CNGB1: variants seen among roughly 807,000 people sequenced by gnomAD.
CNGB1 encodes the protein cyclic nucleotide gated channel subunit beta 1, also known as cyclic nucleotide-gated channel beta-1.
In CNGB1, 126 loss-of-function variants were observed where a neutral mutation model predicts 151.7. The observed-to-expected ratio is 0.83, with a 90% CI of 0.72 to 0.96. The LOEUF (loss-of-function observed/expected upper bound fraction) is 0.96, where lower values mean the gene tolerates loss of function less well. Ranked by LOEUF, CNGB1 falls within the 40% of genes least tolerant of loss-of-function variation. The probability of loss-of-function intolerance (pLI) is 0.00; values close to 1 mark genes in which losing one functional copy is unlikely to be tolerated. For missense variants in CNGB1, 1,698 were observed against 1,627.0 expected, an observed-to-expected ratio of 1.04 and a Z score of -0.75; for synonymous variants, 623 against 635.1, an observed-to-expected ratio of 0.98 and a Z score of 0.29.
intron 18 of CNGB1, among the ~76,000 whole-genome samples, chr16:57,921,355 G>A (rs770074474): frequency 2.6e-5 from 4 of 151,472 alleles, no homozygotes; most frequent in Non-Finnish European, 5.9e-5. Context: ...CTGAGTAGCT[G>A]GGATTACAGG....
intron 12 of CNGB1, chr16:57,955,366 C>A: frequency 6.4e-7 from 1 of 1,551,594 alleles, no homozygotes; most frequent in South Asian, 1.2e-5. Context: ...GCTCCCATCA[C>A]CCCTGAAACA....
At chr16:57,898,010 G>A in intron 29 of CNGB1, 96 bp from the exon 30 acceptor site, 3 of 1,289,970 alleles carry the variant, frequency 2.3e-6, no homozygotes, top group Admixed American at 3.4e-5. Context: ...CCGGCAAGGA[G>A]GAACCTAGGC....
At position 57,948,562 on chromosome 16, in the gene CNGB1, C is replaced by T. The variant is rs989083248; in HGVS notation, c.1121+791G>A. ...CCTTTTTGGTTCCTCATCTCCCCAA[C>T]CTCTGGTCTTGTCCATGAGCCTCTC... On this transcript the variant is annotated intron_variant, in intron 14 of 32. Transcript: ENST00000251102. 3.3e-5 allele frequency among the ~76,000 whole-genome samples: 5 copies of T among 152,184 alleles called. No homozygotes were observed. The South Asian group carries it at 8.3e-4, about 25-fold the overall frequency.
chr16:57,941,437 C>T (rs536757677), intron 14 of CNGB1, among the ~76,000 whole-genome samples: 13 of 152,308 alleles, frequency 8.5e-5, no homozygotes, highest in Admixed American at 3.3e-4. Flanking sequence ...GTTGCCTAGT[C>T]GGTCTGGAGC....
intron 17 of CNGB1, among the ~76,000 whole-genome samples, chr16:57,927,002 T>C (rs1260198422): frequency 1.3e-5 from 2 of 151,618 alleles, no homozygotes; most frequent in South Asian, 2.1e-4. Context: ...CAAAACAAAA[T>C]AAAACAAAAC....
intron 16 of CNGB1, among the ~76,000 whole-genome samples, chr16:57,938,055 G>A (rs1440153216): frequency 6.6e-6 from 1 of 152,228 alleles, no homozygotes; most frequent in Non-Finnish European, 1.5e-5. Flanking sequence ...CGCGGCCCAA[G>A]TTACTCATTT....
chr16:57,900,580 G>A (rs576086142), intron 29 of CNGB1, among the ~76,000 whole-genome samples: 1 of 152,162 alleles, frequency 6.6e-6, no homozygotes, highest in South Asian at 2.1e-4. Context: ...TCAGGCCCCA[G>A]GATTCAACTC....
At chr16:57,909,028 G>C (rs1211597241) in intron 25 of CNGB1, among the ~76,000 whole-genome samples, 4 of 152,156 alleles carry the variant, frequency 2.6e-5, no homozygotes, top group African/African-American at 9.7e-5. Flanking sequence ...AGCACTTTGG[G>C]AGGCCAATCA....
chr16:57,951,550 G>A (rs978392631), intron 12 of CNGB1, among the ~76,000 whole-genome samples: 4 of 152,098 alleles, frequency 2.6e-5, no homozygotes, highest in Non-Finnish European at 4.4e-5. Flanking sequence ...AATGGAAGCC[G>A]GCCTCAAGTC....
At chr16:57,905,763 G>A (rs1465907768) in intron 25 of CNGB1, among the ~76,000 whole-genome samples, 1 of 152,252 alleles carries the variant, frequency 6.6e-6, no homozygotes, top group Non-Finnish European at 1.5e-5. Flanking sequence ...TACGAGGACA[G>A]CATTCCTCTC....
chr16:57,936,964 G>A (rs550654523), intron 16 of CNGB1: 18 of 152,370 alleles, frequency 1.2e-4, no homozygotes, highest in African/African-American at 4.1e-4. Context: ...AGAGGAAAAG[G>A]AGATGGTTTT....
chr16:57,964,481 A>C lies in CNGB1; in HGVS notation c.217+6T>G. On this transcript the variant is annotated splice_donor_region_variant and intron_variant, in intron 3 of 32. Transcript: ENST00000251102. ...TGCCAGCCTGGGCTTCAGCACTCGC[A>C]CTCACCCTGAGGGCTTGGGTCTGCC... 1 of 1,613,778 alleles carries C rather than the reference A, an allele frequency of 6.2e-7. No homozygotes were observed. Among genetic ancestry groups the C allele is most frequent in the Non-Finnish European group, 8.5e-7 (1 of 1,179,950 alleles).
chr16:57,899,261 C>T (rs1408153807), intron 29 of CNGB1, among the ~76,000 whole-genome samples: 1 of 152,174 alleles, frequency 6.6e-6, no homozygotes, highest in African/African-American at 2.4e-5. Context: ...CTTCACCGGC[C>T]CTTGTCCTGG....
chr16:57,910,081 C>A (rs1960667825), intron 25 of CNGB1, among the ~76,000 whole-genome samples: 1 of 152,214 alleles, frequency 6.6e-6, no homozygotes, highest in South Asian at 2.1e-4. Context: ...CCCCAACCAT[C>A]GGAACGGACC....
intron 24 of CNGB1, 99 bp downstream of exon 24, chr16:57,912,826 GTGTGT>G: frequency 8.8e-7 from 1 of 1,140,048 alleles, no homozygotes; most frequent in Non-Finnish European, 1.3e-6. Flanking sequence ...TGTGTCGTGT[GTGTGT>G]TGTGTGTGTG....
intron 9 of CNGB1, 90 bp from the exon 10 acceptor site, chr16:57,960,155 T>C: frequency 1.3e-6 from 2 of 1,518,596 alleles, no homozygotes; most frequent in East Asian, 2.5e-5. Context: ...TTCGAGTCGC[T>C]AACAGGACTG....
At chr16:57,940,867 C>A (rs1267933951) in intron 14 of CNGB1, among the ~76,000 whole-genome samples, 1 of 152,068 alleles carries the variant, frequency 6.6e-6, no homozygotes, top group Non-Finnish European at 1.5e-5. Flanking sequence ...AGAGCCACTG[C>A]AACTGCTGAA....
chr16:57,902,459 C>T (rs769394820), intron 27 of CNGB1, among the ~76,000 whole-genome samples: 6 of 151,890 alleles, frequency 4.0e-5, no homozygotes, highest in Non-Finnish European at 5.9e-5. Context: ...ACTTTGAACC[C>T]TGAAAAGCTA....
Position 57,923,323 on chromosome 16 carries a change from T to C in CNGB1, c.1593A>G (p.Ala531=). The C allele has an allele frequency of 1.9e-6, 3 of 1,612,252 alleles. No homozygotes were observed. Among genetic ancestry groups the C allele is most frequent in the Non-Finnish European group, 2.5e-6 (3 of 1,179,226 alleles). The change falls in exon 18 of 33, where the codon GCA becomes GCG. Residue 531 remains alanine (A), a synonymous_variant. Coordinates refer to ENST00000251102, the MANE Select transcript of CNGB1 (RefSeq NM_001297.5). ...CAGACCAGGCAACCACTGGGGACTC[T>C]GCTGGTGACAACGCCTTGAGCTCTT... The part of the protein sequence containing the change: ...EAEELKALSP[A]ESPVVAWSDP...
Sources: gnomAD v4.1 joint callset for allele counts (sites outside exome capture counted in the v4.1 genomes callset) on GRCh38, gnomAD v4.1.1 for gene constraint, MANE v1.5 for transcripts, NCBI Gene and HGNC (gene_info 2026-07-23, HGNC 2026-07-21) for gene names.